PCDHA8: variants seen among roughly 807,000 people sequenced by gnomAD.
PCDHA8 encodes the protein protocadherin alpha-8.
A neutral mutation model predicts 61.8 loss-of-function variants in PCDHA8; 53 were observed. The ratio of observed to expected loss-of-function variants is 0.86; its 90% confidence interval spans 0.69 to 1.08. The LOEUF (loss-of-function observed/expected upper bound fraction) is 1.08. Ranked by LOEUF, PCDHA8 falls within the 50% of genes least tolerant of loss-of-function variation. The probability of loss-of-function intolerance (pLI) is 0.00; values close to 1 mark genes in which losing one functional copy is unlikely to be tolerated. For synonymous variants in PCDHA8, 618 were observed against 556.6 expected, an observed-to-expected ratio of 1.11 and a Z score of -1.55; for missense variants, 1,293 against 1,245.0, an observed-to-expected ratio of 1.04 and a Z score of -0.58.
chr5:140,901,539 A>C (rs192107124), intron 1 of PCDHA8, among the ~76,000 whole-genome samples: 1 of 151,952 alleles, frequency 6.6e-6, no homozygotes, highest in African/African-American at 2.4e-5. Context: ...TTGGTTCTCT[A>C]TTCTGTTCCA....
At chr5:140,989,851 G>C (rs1247481417) in intron 3 of PCDHA8, among the ~76,000 whole-genome samples, 1 of 152,106 alleles carries the variant, frequency 6.6e-6, no homozygotes, top group Non-Finnish European at 1.5e-5. Context: ...TGTGTGGACT[G>C]GAGAGGAATC....
intron 1 of PCDHA8, among the ~76,000 whole-genome samples, chr5:140,878,496 C>G (rs562678244): frequency 7.2e-5 from 11 of 152,174 alleles, no homozygotes; most frequent in Non-Finnish European, 1.6e-4. Flanking sequence ...ATTTAACCAT[C>G]TGTACGATAC....
chr5:140,938,957 C>T (rs1435245997), intron 1 of PCDHA8, among the ~76,000 whole-genome samples: 2 of 152,040 alleles, frequency 1.3e-5, no homozygotes, highest in African/African-American at 2.4e-5. Context: ...ATGCTCTAGT[C>T]GGAGTTTGGC....
At chr5:140,929,421 A>G (rs2086144210) in intron 1 of PCDHA8, 2 of 1,502,092 alleles carry the variant, frequency 1.3e-6, no homozygotes, top group Non-Finnish European at 1.8e-6. Flanking sequence ...ACAACATTTC[A>G]TCAATTGAAC....
chr5:140,843,170 A>C lies in PCDHA8; in HGVS notation c.1849A>C (p.Ser617Arg), dbSNP rs781918147. Reference sequence around the variant, plus strand: ...GTATGAGCTGCAGCCAGCTGCAAGCAGCCCTCGCATCCCGTTCCGCGTGGG... The same window carrying C: ...GTATGAGCTGCAGCCAGCTGCAAGCCGCCCTCGCATCCCGTTCCGCGTGGG... The part of the protein sequence containing the change: ...LSYELQPAAS[S>R]PRIPFRVGLY... Residue 617 changes from serine (S) to arginine (R), a missense_variant, in exon 1 of 4, where the codon AGC becomes CGC. Physicochemically the swap from Ser to Arg is moderately radical, Grantham distance 110. Coordinates refer to ENST00000531613, the MANE Select transcript of PCDHA8 (RefSeq NM_018911.3). 12 of 1,595,956 alleles carry C rather than the reference A, an allele frequency of 7.5e-6. 1 individual carries two copies. The highest frequency in any genetic ancestry group is 8.6e-6 in the Non-Finnish European group (10 of 1,165,596).
chr5:140,858,249 A>G lies in PCDHA8; in HGVS notation c.2394+14534A>G, dbSNP rs782165070. Reference sequence around the variant, plus strand: ...ACCGAGGGCGCATGTGGGCCGGTGAAGCCCACGCTGGTGTGCTCTAGCGCG... The same window carrying G: ...ACCGAGGGCGCATGTGGGCCGGTGAGGCCCACGCTGGTGTGCTCTAGCGCG... On this transcript the variant is annotated intron_variant, in intron 1 of 3. Coordinates refer to ENST00000531613, the MANE Select transcript of PCDHA8 (RefSeq NM_018911.3). 53 of 1,596,100 alleles carry G rather than the reference A, an allele frequency of 3.3e-5. 6 individuals are homozygous for G. The highest frequency in any genetic ancestry group is 4.5e-5 in the Non-Finnish European group (52 of 1,166,170).
chr5:140,874,195 A>C (rs2054770978), intron 1 of PCDHA8, among the ~76,000 whole-genome samples: 1 of 152,222 alleles, frequency 6.6e-6, no homozygotes, highest in Non-Finnish European at 1.5e-5. Flanking sequence ...GTCATATTTC[A>C]GTTGCCTTTA....
chr5:140,992,017 C>CTGTGTGTGTGTG (rs10602499), intron 3 of PCDHA8, among the ~76,000 whole-genome samples: 10 of 145,628 alleles, frequency 6.9e-5, no homozygotes, highest in African/African-American at 2.3e-4. Flanking sequence ...AGAGGTGGCT[C>CTGTGTGTGTGTG]TGTGTGTGTG....
At chr5:140,945,369 A>T (rs2153669585) in intron 1 of PCDHA8, among the ~76,000 whole-genome samples, 1 of 152,234 alleles carries the variant, frequency 6.6e-6, no homozygotes, top group African/African-American at 2.4e-5. Flanking sequence ...TAAAATGTCC[A>T]TATTACCCAA....
chr5:140,841,420 C>T lies in PCDHA8; in HGVS notation c.99C>T (p.Tyr33=). 2 of 1,613,022 alleles carry T rather than the reference C, an allele frequency of 1.2e-6. No individual in the cohort carries two copies. The highest frequency in any genetic ancestry group is 1.3e-5 in the African/African-American group (1 of 74,962). Residue 33 remains tyrosine, a synonymous_variant, in exon 1 of 4, where the codon TAC becomes TAT. Transcript: ENST00000531613. ...AGGTGGGGAGCGGCCAGCTCCACTA[C>T]TCCGTCCCCGAGGAGGCCAAACACG... ...AWKVGSGQLH[Y]SVPEEAKHGT... is the part of the protein sequence containing the mutation.
chr5:140,929,410 CACA>C (rs2153600762), intron 1 of PCDHA8: 2 of 1,505,808 alleles, frequency 1.3e-6, no homozygotes, highest in East Asian at 2.3e-5. Context: ...ACAAGCCTTT[CACA>C]ACATTTCATC....
At chr5:140,960,131 C>T (rs781965980) in intron 1 of PCDHA8, among the ~76,000 whole-genome samples, 11 of 152,114 alleles carry the variant, frequency 7.2e-5, no homozygotes, top group African/African-American at 9.7e-5. Context: ...TTATGAAATA[C>T]TTAGATATTA....
intron 1 of PCDHA8, among the ~76,000 whole-genome samples, chr5:140,952,473 A>C (rs1262702527): frequency 6.6e-6 from 1 of 152,210 alleles, no homozygotes; most frequent in Non-Finnish European, 1.5e-5. Flanking sequence ...GCATAAGGAA[A>C]GTGACATTTG....
intron 1 of PCDHA8, among the ~76,000 whole-genome samples, chr5:140,954,144 A>G (rs560378033): frequency 2.0e-5 from 3 of 152,232 alleles, no homozygotes; most frequent in Non-Finnish European, 4.4e-5. Flanking sequence ...ATAGTATTCC[A>G]TGGTGTATAT....
chr5:140,886,827 G>GAAAA (rs782016620), intron 1 of PCDHA8, among the ~76,000 whole-genome samples: 11 of 60,864 alleles, frequency 1.8e-4, no homozygotes, highest in Admixed American at 1.8e-4. Context: ...ACTTCGTCTT[G>GAAAA]AAAAAAAAAA....
chr5:140,939,673 T>C (rs1235567287), intron 1 of PCDHA8, among the ~76,000 whole-genome samples: 1 of 152,196 alleles, frequency 6.6e-6, no homozygotes, highest in African/African-American at 2.4e-5. Context: ...CCAACTTGTA[T>C]GTATGTGTGT....
chr5:140,842,261 A>G lies in PCDHA8; in HGVS notation c.940A>G (p.Asn314Asp), dbSNP rs2150332955. 25 of 1,610,966 alleles carry G rather than the reference A, an allele frequency of 1.6e-5. No homozygotes were observed. Among genetic ancestry groups the G allele is most frequent in the Non-Finnish European group, 2.1e-5 (25 of 1,177,438 alleles). ...GGGTAATTTGGATTTTGAACAAGAA[A>G]ACTTATACAAAATCCTCATTGACGC... The part of the protein sequence containing the change: ...IRGNLDFEQE[N>D]LYKILIDATD... Residue 314 changes from asparagine to aspartate, a missense_variant, in exon 1 of 4, where the codon AAC (asparagine) becomes GAC (aspartate). Coordinates refer to ENST00000531613, the MANE Select transcript of PCDHA8 (RefSeq NM_018911.3).
chr5:140,968,185 C>T (rs1554230464), intron 1 of PCDHA8: 1 of 1,614,034 alleles, frequency 6.2e-7, no homozygotes, highest in East Asian at 2.2e-5. Context: ...TGGAGGACTC[C>T]TATTCCATCT....
chr5:140,895,867 A>C (rs1212053221), intron 1 of PCDHA8, among the ~76,000 whole-genome samples: 1 of 152,154 alleles, frequency 6.6e-6, no homozygotes, highest in Non-Finnish European at 1.5e-5. Context: ...GCTGGAGTGC[A>C]ATGGCGCGAT....
Sources: gnomAD v4.1 joint callset for allele counts (sites outside exome capture counted in the v4.1 genomes callset) on GRCh38, gnomAD v4.1.1 for gene constraint, MANE v1.5 for transcripts, NCBI Gene and HGNC (gene_info 2026-07-23, HGNC 2026-07-21) for gene names.